DYNC2H1: variants seen among roughly 807,000 people sequenced by gnomAD.
The protein encoded by DYNC2H1 is dynein cytoplasmic 2 heavy chain 1.
Under a neutral mutation model 570.0 loss-of-function variants are expected in DYNC2H1, and 410 were observed. The observed-to-expected ratio is 0.72, with a 90% CI of 0.66 to 0.78. DYNC2H1 has a LOEUF of 0.78. Among genes scored for constraint, DYNC2H1 ranks in the 30% least tolerant of loss-of-function variants. DYNC2H1 has a pLI of 0.00. For synonymous variants in DYNC2H1, 1,688 were observed against 1,677.6 expected, an observed-to-expected ratio of 1.01 and a Z score of -0.15; for missense variants, 4,865 against 5,046.4, an observed-to-expected ratio of 0.96 and a Z score of 1.09.
chr11:103,173,276 A>G lies in DYNC2H1; in HGVS notation c.5529A>G (p.Arg1843=). 6 of 1,582,090 alleles carry G rather than the reference A, an allele frequency of 3.8e-6. No homozygotes were observed. Among genetic ancestry groups the G allele is most frequent in the Non-Finnish European group, 5.1e-6 (6 of 1,166,278 alleles). ...TTAAAGACGCTAAAGTATTGAGCAG[A>G]AAATTGGTAGCTATTTTCAATCTAT... ...EGFKDAKVLS[R]KLVAIFNLSR... The change falls in exon 35 of 89, where the codon AGA becomes AGG. Residue 1843 remains arginine (R), a synonymous_variant. Transcript: ENST00000375735.
At chr11:103,115,444 G>A (rs557070449) in intron 4 of DYNC2H1, 149 bp downstream of exon 4, 1 of 511,330 alleles carries the variant, frequency 2.0e-6, no homozygotes, top group African/African-American at 2.0e-5. Context: ...AGTTGTATAT[G>A]TAAAATGAAT....
intron 63 of DYNC2H1, among the ~76,000 whole-genome samples, chr11:103,238,192 T>C (rs1477975406): frequency 6.6e-6 from 1 of 152,066 alleles, no homozygotes; most frequent in Non-Finnish European, 1.5e-5. Flanking sequence ...TGTAAATATA[T>C]ATTAGTTGGG....
At chr11:103,253,257 C>A in intron 65 of DYNC2H1, 28 bp from the exon 66 acceptor site, 2 of 1,584,252 alleles carry the variant, frequency 1.3e-6, no homozygotes, top group South Asian at 1.2e-5. Context: ...AGATTCAGAC[C>A]AACCAATTGT....
chr11:103,173,430 T>C, intron 35 of DYNC2H1, 125 bp downstream of exon 35: 2 of 677,732 alleles, frequency 3.0e-6, no homozygotes, highest in South Asian at 6.0e-5. Context: ...ATGATTTTAT[T>C]GTACTTATAG....
At chr11:103,248,821 C>A (rs1201659994) in intron 65 of DYNC2H1, among the ~76,000 whole-genome samples, 1 of 151,976 alleles carries the variant, frequency 6.6e-6, no homozygotes, top group Admixed American at 6.6e-5. Context: ...ACAGTGAGTG[C>A]ATCTAAATAT....
At chr11:103,218,080 A>T (rs1863451332) in intron 55 of DYNC2H1, among the ~76,000 whole-genome samples, 1 of 152,216 alleles carries the variant, frequency 6.6e-6, no homozygotes, top group African/African-American at 2.4e-5. Context: ...TAGTATGGCA[A>T]GGCCGTGTGG....
At chr11:103,206,060 A>G (rs1417856419) in intron 52 of DYNC2H1, among the ~76,000 whole-genome samples, 1 of 152,176 alleles carries the variant, frequency 6.6e-6, no homozygotes, top group Non-Finnish European at 1.5e-5. Flanking sequence ...GCAGTTACAA[A>G]TGATTGCAGT....
At chr11:103,421,626 T>A (rs1283480628) in intron 84 of DYNC2H1, among the ~76,000 whole-genome samples, 2 of 151,980 alleles carry the variant, frequency 1.3e-5, no homozygotes, top group Admixed American at 1.3e-4. Flanking sequence ...ATAATGAAAT[T>A]AAGGTGGAAA....
chr11:103,309,166 C>CTTTTTTTTTTTTTTTT (rs1274431520), intron 78 of DYNC2H1, among the ~76,000 whole-genome samples: 4 of 56,530 alleles, frequency 7.1e-5, no homozygotes, highest in African/African-American at 1.6e-4. Context: ...TAACTGCATG[C>CTTTTTTTTTTTTTTTT]TATTTTTTTT....
chr11:103,413,951 T>TGAA (rs1380051729), intron 84 of DYNC2H1, among the ~76,000 whole-genome samples: 1 of 152,110 alleles, frequency 6.6e-6, no homozygotes, highest in Non-Finnish European at 1.5e-5. Flanking sequence ...TTTCATTCAT[T>TGAA]TAGCAAATAA....
At chr11:103,184,173 T>C (rs1227992413) in intron 40 of DYNC2H1, among the ~76,000 whole-genome samples, 1 of 151,974 alleles carries the variant, frequency 6.6e-6, no homozygotes, top group East Asian at 1.9e-4. Context: ...CACAACATTC[T>C]GTACTGCTGT....
At chr11:103,330,431 CTT>C (rs765408838) in intron 82 of DYNC2H1, among the ~76,000 whole-genome samples, 1 of 150,402 alleles carries the variant, frequency 6.6e-6, no homozygotes, top group Non-Finnish European at 1.5e-5. Flanking sequence ...TAACTTCAGA[CTT>C]AGTAATGTTT....
chr11:103,441,785 A>G (rs749509547), intron 85 of DYNC2H1, among the ~76,000 whole-genome samples: 1 of 152,082 alleles, frequency 6.6e-6, no homozygotes, highest in Non-Finnish European at 1.5e-5. Context: ...CTATCATTTG[A>G]AGTGTTTTAT....
chr11:103,122,993 GGTTT>G lies in DYNC2H1; in HGVS notation c.1657_1660del (p.Leu553ValfsTer18), dbSNP rs748906528. ...ATCAGGTTTATCTGATTCCAGATCT[GGTTT>G]GTGGTAAGTATAGATATATTAAACT... On this transcript the variant is annotated frameshift_variant, in exon 11 of 89. Coordinates refer to ENST00000375735, the MANE Select transcript of DYNC2H1 (RefSeq NM_001377.3). LOFTEE classifies it high-confidence loss of function. 4.0e-6 allele frequency: 6 copies of G among 1,515,464 alleles called. No homozygotes were observed. The highest frequency in any genetic ancestry group is 5.3e-6 in the Non-Finnish European group (6 of 1,122,478). The allele number at this position is 1,515,464 out of a possible 1,614,324, so 93.9% of individuals were successfully genotyped here.
At chr11:103,222,210 T>C in intron 58 of DYNC2H1, 57 bp downstream of exon 58, 5 of 1,245,106 alleles carry the variant, frequency 4.0e-6, no homozygotes, top group Non-Finnish European at 5.4e-6. Context: ...TATTCTGCTT[T>C]TTAAAATGTG....
intron 84 of DYNC2H1, among the ~76,000 whole-genome samples, chr11:103,428,018 T>C (rs565277126): frequency 6.6e-6 from 1 of 151,506 alleles, no homozygotes; most frequent in Non-Finnish European, 1.5e-5. Flanking sequence ...ATATATATAA[T>C]TCAGTCTCAA....
At chr11:103,385,871 A>G (rs1029251209) in intron 83 of DYNC2H1, among the ~76,000 whole-genome samples, 1 of 152,154 alleles carries the variant, frequency 6.6e-6, no homozygotes, top group African/African-American at 2.4e-5. Context: ...TACCTAGCCA[A>G]TGGAAGATCT....
Position 103,215,849 on chromosome 11 carries a change from G to A in DYNC2H1, c.8823G>A (p.Val2941=). 2 of 1,612,566 alleles carry A rather than the reference G, an allele frequency of 1.2e-6. No homozygotes were observed. The highest frequency in any genetic ancestry group is 1.1e-5 in the South Asian group (1 of 90,898). ...EADAALQMIT[V]SMQDASEQKT... ...ATGCTGCCCTTCAAATGATCACAGTGTCAATGCAGGTAATGTTTAGAGTGA... is the reference window on the plus strand; with the variant it reads ...ATGCTGCCCTTCAAATGATCACAGTATCAATGCAGGTAATGTTTAGAGTGA... The change falls in exon 55 of 89, where the codon GTG becomes GTA. Residue 2941 remains valine (V), a synonymous_variant. Coordinates refer to ENST00000375735, the MANE Select transcript of DYNC2H1 (RefSeq NM_001377.3).
At chr11:103,124,241 G>A (rs1308446464) in intron 11 of DYNC2H1, among the ~76,000 whole-genome samples, 2 of 151,902 alleles carry the variant, frequency 1.3e-5, no homozygotes, top group African/African-American at 4.8e-5. Flanking sequence ...GAACCCAGGA[G>A]TTTGAGACCA....
Sources: gnomAD v4.1 joint callset for allele counts (sites outside exome capture counted in the v4.1 genomes callset) on GRCh38, gnomAD v4.1.1 for gene constraint, MANE v1.5 for transcripts, NCBI Gene and HGNC (gene_info 2026-07-23, HGNC 2026-07-21) for gene names.